Variants in CSGALNACT1 observed in about 807,000 individuals in gnomAD.
CSGALNACT1 encodes chondroitin sulfate N-acetylgalactosaminyltransferase 1.
CSGALNACT1 carries 52 observed loss-of-function variants against 51.0 expected under a neutral mutation model. The observed-to-expected ratio is 1.02, with a 90% confidence interval of 0.82 to 1.29. The LOEUF is 1.29. Among genes scored for constraint, CSGALNACT1 ranks in the 50% most tolerant of loss-of-function variants. CSGALNACT1 has a pLI of 0.00. For synonymous variants in CSGALNACT1, 341 were observed against 254.4 expected (o/e 1.34, Z -3.24); for missense variants, 935 against 679.2 (o/e 1.38, Z -4.19).
intron 4 of CSGALNACT1, among the ~76,000 whole-genome samples, chr8:19,503,674 T>C (rs1287330044): frequency 6.6e-6 from 1 of 152,196 alleles, no homozygotes; most frequent in Non-Finnish European, 1.5e-5. Flanking sequence ...AATGTGATGT[T>C]GCATTATCAT....
intron 3 of CSGALNACT1, among the ~76,000 whole-genome samples, chr8:19,550,900 A>C (rs1025900961): frequency 6.6e-6 from 1 of 152,126 alleles, no homozygotes; most frequent in Non-Finnish European, 1.5e-5. Context: ...ATTTGTATCT[A>C]CTGTTTCCAA....
chr8:19,709,100 G>A (rs191323333), intron 1 of CSGALNACT1, among the ~76,000 whole-genome samples: 1 of 152,208 alleles, frequency 6.6e-6, no homozygotes, highest in East Asian at 1.9e-4. Flanking sequence ...GATGCTGAGG[G>A]CAAGATCAGG....
intron 1 of CSGALNACT1, among the ~76,000 whole-genome samples, chr8:19,654,328 C>G (rs145636835): frequency 4.5e-4 from 69 of 152,284 alleles, no homozygotes; most frequent in African/African-American, 1.6e-3. Flanking sequence ...GGAGTTCCAA[C>G]AGACTCAATG....
chr8:19,428,823 ATATGTG>A lies in CSGALNACT1; in HGVS notation c.954-8311_954-8306del, dbSNP rs1258393725. On this transcript the variant is annotated intron_variant, in intron 6 of 9. Transcript: ENST00000454498. ...AAACACCCTTCTCACATAAGACATG[ATATGTG>A]TGTGTGTGTGTGTGTGTGTGTGTGT... 5.4e-3 allele frequency among the ~76,000 whole-genome samples: 279 copies of A among 51,284 alleles called. 1 individual carries two copies. The highest frequency in any genetic ancestry group is 0.029 in the South Asian group (38 of 1,314). The allele number at this position is 51,284 out of a possible 152,430, so 33.6% of individuals were successfully genotyped here.
intron 3 of CSGALNACT1, among the ~76,000 whole-genome samples, chr8:19,509,297 T>C (rs2077987643): frequency 6.6e-6 from 1 of 152,114 alleles, no homozygotes; most frequent in Non-Finnish European, 1.5e-5. Flanking sequence ...TTCATGTTTT[T>C]CCTTCGGTAG....
chr8:19,671,168 G>A (rs1160721746), intron 1 of CSGALNACT1, among the ~76,000 whole-genome samples: 1 of 152,262 alleles, frequency 6.6e-6, no homozygotes, highest in East Asian at 1.9e-4. Flanking sequence ...AGGGTGGAAT[G>A]GGGAATAGAA....
rs538530183 is a variant in CSGALNACT1 at position 19,649,133 on chromosome 8, G to A, written c.-544+33340C>T. On this transcript the variant is annotated intron_variant, in intron 1 of 9. Coordinates refer to the CSGALNACT1 transcript ENST00000332246. Reference sequence around the variant, plus strand: ...GTACATGAATTATCTCAATTATTTCGTTTGTTCCTCTCAGTGATTCTAATA... The same window carrying A: ...GTACATGAATTATCTCAATTATTTCATTTGTTCCTCTCAGTGATTCTAATA... Among the ~76,000 whole-genome samples the A allele has an allele frequency of 5.9e-5, 9 of 152,228 alleles. No individual in the cohort carries two copies. The South Asian group carries it at 8.3e-4, about 14-fold the overall frequency.
chr8:19,588,707 T>A (rs1375810455), intron 3 of CSGALNACT1, among the ~76,000 whole-genome samples: 1 of 152,152 alleles, frequency 6.6e-6, no homozygotes, highest in Non-Finnish European at 1.5e-5. Context: ...TTTTGTCAAT[T>A]TTTTTGCAAG....
intron 8 of CSGALNACT1, among the ~76,000 whole-genome samples, chr8:19,412,587 T>G (rs565182897): frequency 2.6e-5 from 4 of 152,234 alleles, no homozygotes; most frequent in African/African-American, 7.2e-5. Context: ...CTGGTCTACC[T>G]TGCATTCACA....
chr8:19,622,968 C>T (rs539967649), intron 1 of CSGALNACT1, among the ~76,000 whole-genome samples: 11 of 152,222 alleles, frequency 7.2e-5, no homozygotes, highest in Admixed American at 2.6e-4. Flanking sequence ...GCTTAGATGA[C>T]GGGTTGATAG....
chr8:19,632,761 C>A (rs1435839211), intron 1 of CSGALNACT1, among the ~76,000 whole-genome samples: 1 of 151,860 alleles, frequency 6.6e-6, no homozygotes, highest in Non-Finnish European at 1.5e-5. Flanking sequence ...TCTGCTGAGT[C>A]TTTTACTTTT....
intron 3 of CSGALNACT1, among the ~76,000 whole-genome samples, chr8:19,579,921 G>T (rs938215971): frequency 6.6e-6 from 1 of 152,192 alleles, no homozygotes; most frequent in Non-Finnish European, 1.5e-5. Context: ...GAAGAAGGAA[G>T]GGAAAGGACA....
At chr8:19,714,247 C>T (rs2154234808) in intron 1 of CSGALNACT1, among the ~76,000 whole-genome samples, 1 of 152,282 alleles carries the variant, frequency 6.6e-6, no homozygotes, top group East Asian at 1.9e-4. Flanking sequence ...GAAAAGCAGC[C>T]TATACTTAGC....
rs558364782 is a variant in CSGALNACT1 at position 19,665,699 on chromosome 8, G to A, written c.-544+16774C>T. ...GAACCAAAGATGAACTTGTACCCTAGGAAGATGTGGTCTTCTAAGCCTGAC... is the reference window on the plus strand; with the variant it reads ...GAACCAAAGATGAACTTGTACCCTAAGAAGATGTGGTCTTCTAAGCCTGAC... On this transcript the variant is annotated intron_variant, in intron 1 of 9. Coordinates refer to the CSGALNACT1 transcript ENST00000332246. Among the ~76,000 whole-genome samples, 55 of 152,224 alleles carry A rather than the reference G, an allele frequency of 3.6e-4. No homozygotes were observed. In the South Asian group the frequency reaches 4.6e-3, roughly 13 times the overall value.
chr8:19,598,982 G>A (rs1391469098), intron 2 of CSGALNACT1, among the ~76,000 whole-genome samples: 3 of 152,208 alleles, frequency 2.0e-5, no homozygotes, highest in African/African-American at 7.2e-5. Flanking sequence ...GGTGAGGTTT[G>A]AAGCTCCCTG....
chr8:19,672,728 C>T (rs916390313), intron 1 of CSGALNACT1, among the ~76,000 whole-genome samples: 11 of 152,176 alleles, frequency 7.2e-5, no homozygotes, highest in Non-Finnish European at 1.5e-4. Flanking sequence ...TATTTAGCTG[C>T]TGCTCTTATC....
intron 6 of CSGALNACT1, among the ~76,000 whole-genome samples, chr8:19,423,885 G>T (rs1204990820): frequency 6.6e-6 from 1 of 152,184 alleles, no homozygotes; most frequent in Non-Finnish European, 1.5e-5. Context: ...TCCACAGGCT[G>T]CACAGAAAGC....
At position 19,442,124 on chromosome 8, in the gene CSGALNACT1, A is replaced by C. The variant is rs994537292; in HGVS notation, c.852-2193T>G. 9.8e-5 allele frequency among the ~76,000 whole-genome samples: 15 copies of C among 152,308 alleles called. No homozygotes were observed. The East Asian group carries it at 1.7e-3, about 18-fold the overall frequency. ...AACACTTTTTACACTGTTGGTGGGA[A>C]TGTAAACTAGTTCAACCATTGTGGA... is the stretch of plus-strand genomic sequence containing the variant. On this transcript the variant is annotated intron_variant, in intron 5 of 9. Transcript: ENST00000454498.
At chr8:19,498,429 C>G (rs959049617) in intron 4 of CSGALNACT1, among the ~76,000 whole-genome samples, 2 of 152,214 alleles carry the variant, frequency 1.3e-5, no homozygotes, top group Admixed American at 6.5e-5. Flanking sequence ...AGAGGCTGAG[C>G]AGCACTGCCT....
Sources: gnomAD v4.1 joint callset for allele counts (sites outside exome capture counted in the v4.1 genomes callset) on GRCh38, gnomAD v4.1.1 for gene constraint, MANE v1.5 for transcripts, NCBI Gene and HGNC (gene_info 2026-07-23, HGNC 2026-07-21) for gene names.